GULP1: variants seen among roughly 807,000 people sequenced by gnomAD.
GULP1 encodes GULP PTB domain containing engulfment adaptor 1.
Under a neutral mutation model 40.9 loss-of-function variants are expected in GULP1, and 19 were observed. The observed-to-expected ratio is 0.46, with a 90% CI of 0.32 to 0.68. The LOEUF (loss-of-function observed/expected upper bound fraction) is 0.68. Among genes scored for constraint, GULP1 ranks in the 30% least tolerant of loss-of-function variants. The pLI, the probability that GULP1 is intolerant of heterozygous loss-of-function variation, is 0.03. For missense variants in GULP1, 312 were observed against 362.2 expected, an observed-to-expected ratio of 0.86 and a Z score of 1.12; for synonymous variants, 119 against 117.6, an observed-to-expected ratio of 1.01 and a Z score of -0.08.
intron 7 of GULP1, among the ~76,000 whole-genome samples, chr2:188,557,124 A>G (rs1256218994): frequency 2.0e-5 from 3 of 152,144 alleles, no homozygotes; most frequent in African/African-American, 4.8e-5. Context: ...GCGATTTGAT[A>G]GGAACACAGA....
rs192512524 is a variant in GULP1 at position 188,348,455 on chromosome 2, A to G, written c.-171-35308A>G. ...TCTTGCCTCATGATTTGAATGTAGT[A>G]TGTTGCTGATATTACTCAGTGTTCC... On this transcript the variant is annotated intron_variant, in intron 1 of 11. Transcript: ENST00000409830. Among the ~76,000 whole-genome samples the G allele has an allele frequency of 6.6e-4, 100 of 152,266 alleles. 1 individual carries two copies. Among genetic ancestry groups the G allele is most frequent in the African/African-American group, 2.3e-3 (96 of 41,570 alleles).
chr2:188,425,257 A>G (rs547023637), intron 2 of GULP1, among the ~76,000 whole-genome samples: 1 of 152,212 alleles, frequency 6.6e-6, no homozygotes, highest in East Asian at 1.9e-4. Context: ...ATTTTCTAGC[A>G]TTGTTTAATG....
At chr2:188,540,531 G>A (rs965025982) in intron 6 of GULP1, among the ~76,000 whole-genome samples, 1 of 151,936 alleles carries the variant, frequency 6.6e-6, no homozygotes. Flanking sequence ...ATTTGACTGC[G>A]TGATTTGGAG....
intron 1 of GULP1, among the ~76,000 whole-genome samples, chr2:188,337,086 GTATCTA>G (rs71020747): frequency 0.33 from 47,419 of 145,220 alleles, 8,381 homozygotes; most frequent in African/African-American, 0.46. Flanking sequence ...AAATATATCT[GTATCTA>G]TATCTATATC....
intron 7 of GULP1, among the ~76,000 whole-genome samples, chr2:188,552,002 A>AT (rs1043690027): frequency 4.6e-4 from 69 of 149,016 alleles, no homozygotes; most frequent in African/African-American, 4.9e-4. Context: ...GTTCTTTCCC[A>AT]TTTTTTTTTA....
chr2:188,446,324 G>A (rs1312242705), intron 2 of GULP1, among the ~76,000 whole-genome samples: 4 of 152,048 alleles, frequency 2.6e-5, no homozygotes, highest in Non-Finnish European at 4.4e-5. Context: ...TATTTTCTGG[G>A]ATATTTACCA....
chr2:188,474,444 G>T (rs930576834), intron 2 of GULP1, among the ~76,000 whole-genome samples: 1 of 152,178 alleles, frequency 6.6e-6, no homozygotes, highest in African/African-American at 2.4e-5. Flanking sequence ...CTCTGGCTAA[G>T]GCAGTTTTAA....
intron 1 of GULP1, among the ~76,000 whole-genome samples, chr2:188,338,321 C>T (rs1201510749): frequency 6.6e-6 from 1 of 150,640 alleles, no homozygotes; most frequent in East Asian, 2.0e-4. Context: ...CTCTGTCTCC[C>T]AGGCTGGAGT....
At chr2:188,422,906 A>T (rs150134800) in intron 2 of GULP1, among the ~76,000 whole-genome samples, 1 of 152,100 alleles carries the variant, frequency 6.6e-6, no homozygotes, top group Admixed American at 6.6e-5. Flanking sequence ...GTACAGCACT[A>T]TTTAATTCTC....
intron 2 of GULP1, among the ~76,000 whole-genome samples, chr2:188,417,579 CTTAA>C (rs1026437601): frequency 7.9e-5 from 12 of 152,144 alleles, no homozygotes; most frequent in African/African-American, 2.4e-4. Flanking sequence ...AAATATTTCA[CTTAA>C]TTAAAAACTA....
At chr2:188,395,636 T>C (rs868579621) in intron 2 of GULP1, among the ~76,000 whole-genome samples, 1 of 152,164 alleles carries the variant, frequency 6.6e-6, no homozygotes, top group African/African-American at 2.4e-5. Context: ...CCATCCAGAT[T>C]TTTTTGTCCC....
At chr2:188,537,247 C>A (rs996306583) in intron 6 of GULP1, among the ~76,000 whole-genome samples, 1 of 152,074 alleles carries the variant, frequency 6.6e-6, no homozygotes, top group South Asian at 2.1e-4. Context: ...TGAGAGTGGG[C>A]ATCCTTGTCT....
intron 2 of GULP1, among the ~76,000 whole-genome samples, chr2:188,426,093 A>C: frequency 6.6e-6 from 1 of 152,180 alleles, no homozygotes; most frequent in East Asian, 1.9e-4. Context: ...GCAAATACAT[A>C]AATCAATACA....
At chr2:188,473,147 G>A (rs547496195) in intron 2 of GULP1, among the ~76,000 whole-genome samples, 1 of 147,292 alleles carries the variant, frequency 6.8e-6, no homozygotes, top group African/African-American at 2.7e-5. Context: ...AACAAATGGG[G>A]TCTCTCTTTC....
intron 1 of GULP1, among the ~76,000 whole-genome samples, chr2:188,370,466 A>G (rs576745956): frequency 7.9e-5 from 12 of 152,186 alleles, no homozygotes; most frequent in Non-Finnish European, 1.6e-4. Flanking sequence ...TTTGGATCTC[A>G]TTGCATATTT....
At chr2:188,336,179 A>G (rs1216422320) in intron 1 of GULP1, among the ~76,000 whole-genome samples, 5 of 152,172 alleles carry the variant, frequency 3.3e-5, no homozygotes, top group East Asian at 1.9e-4. Context: ...TCCCTAGTCA[A>G]TGTCCTTTCT....
At chr2:188,417,657 G>C (rs1023814855) in intron 2 of GULP1, among the ~76,000 whole-genome samples, 1 of 152,246 alleles carries the variant, frequency 6.6e-6, no homozygotes, top group African/African-American at 2.4e-5. Context: ...AATTTTGACT[G>C]CATGGAAACA....
intron 4 of GULP1, among the ~76,000 whole-genome samples, chr2:188,493,213 A>G (rs1219608293): frequency 6.6e-6 from 1 of 152,050 alleles, no homozygotes; most frequent in East Asian, 1.9e-4. Context: ...CAAACTTGAG[A>G]ATATCTAGGA....
At chr2:188,535,125 G>A (rs1164007636) in intron 6 of GULP1, among the ~76,000 whole-genome samples, 1 of 150,836 alleles carries the variant, frequency 6.6e-6, no homozygotes, top group African/African-American at 2.4e-5. Context: ...TAAATTACTA[G>A]TTAATATTAA....
Sources: gnomAD v4.1 joint callset for allele counts (sites outside exome capture counted in the v4.1 genomes callset) on GRCh38, gnomAD v4.1.1 for gene constraint, MANE v1.5 for transcripts, NCBI Gene and HGNC (gene_info 2026-07-23, HGNC 2026-07-21) for gene names.